ITPR1: variants seen among roughly 807,000 people sequenced by gnomAD.
ITPR1 encodes the protein inositol 1,4,5-trisphosphate-gated calcium channel ITPR1.
In ITPR1, 96 loss-of-function variants were observed where a neutral mutation model predicts 318.4. The ratio of observed to expected loss-of-function variants is 0.30; its 90% CI spans 0.26 to 0.36. The LOEUF is 0.36. ITPR1 is among the 10% of genes least tolerant of loss of function. ITPR1 has a pLI of 1.00. For missense variants in ITPR1, 2,440 were observed against 3,460.2 expected (o/e 0.71, Z 7.40); for synonymous variants, 1,312 against 1,289.9 (o/e 1.02, Z -0.37).
intron 58 of ITPR1, 68 bp downstream of exon 58, chr3:4,814,630 A>G: frequency 1.4e-6 from 2 of 1,385,124 alleles, no homozygotes; most frequent in Admixed American, 1.9e-5. Flanking sequence ...AGCACCATGC[A>G]GCGGTGTTGA....
chr3:4,767,461 G>T (rs1160278782), intron 45 of ITPR1, among the ~76,000 whole-genome samples: 1 of 152,244 alleles, frequency 6.6e-6, no homozygotes, highest in African/African-American at 2.4e-5. Context: ...AGAAGAAAAA[G>T]AAGAATGGCT....
At chr3:4,572,318 T>C (rs2088099775) in intron 4 of ITPR1, among the ~76,000 whole-genome samples, 1 of 152,238 alleles carries the variant, frequency 6.6e-6, no homozygotes, top group Non-Finnish European at 1.5e-5. Context: ...TCTCCCAGTC[T>C]TTTCTCAGTA....
chr3:4,839,020 A>T (rs2051138283), intron 61 of ITPR1, among the ~76,000 whole-genome samples: 2 of 152,220 alleles, frequency 1.3e-5, no homozygotes, highest in South Asian at 4.1e-4. Flanking sequence ...TGAGCTGAGG[A>T]ATTAGAGTAA....
chr3:4,782,774 G>A (rs368808181), intron 50 of ITPR1, 33 bp downstream of exon 50: 25 of 1,429,958 alleles, frequency 1.7e-5, no homozygotes, highest in Non-Finnish European at 2.3e-5. Flanking sequence ...TCTGGATGCT[G>A]CCTCCCTACA....
chr3:4,594,937 A>G (rs2090685062), intron 4 of ITPR1, among the ~76,000 whole-genome samples: 1 of 152,154 alleles, frequency 6.6e-6, no homozygotes, highest in South Asian at 2.1e-4. Flanking sequence ...GGGGAAGTAT[A>G]GCAAAGTGGT....
intron 44 of ITPR1, among the ~76,000 whole-genome samples, chr3:4,764,268 A>C (rs2045658202): frequency 6.6e-6 from 1 of 152,202 alleles, no homozygotes; most frequent in African/African-American, 2.4e-5. Flanking sequence ...AATTTTCTAG[A>C]ATTCATTTAT....
At chr3:4,717,112 G>C (rs527430486) in intron 39 of ITPR1, among the ~76,000 whole-genome samples, 7 of 152,216 alleles carry the variant, frequency 4.6e-5, no homozygotes, top group Non-Finnish European at 1.0e-4. Flanking sequence ...CTGCACATGT[G>C]GTTAAGTGAC....
Position 4,699,847 on chromosome 3 carries a change from A to G in ITPR1, c.4442A>G (p.Asp1481Gly). The G allele has an allele frequency of 6.2e-7, 1 of 1,613,710 alleles. No individual in the cohort carries two copies. The highest frequency in any genetic ancestry group is 8.5e-7 in the Non-Finnish European group (1 of 1,179,758). The change falls in exon 35 of 62, where the codon GAC (aspartate) becomes GGC (glycine). Residue 1481 changes from aspartate (D) to glycine (G), a missense_variant. Physicochemically the swap from Asp to Gly is moderately conservative, Grantham distance 94. Transcript: ENST00000649015. ...AACACTAGTGACAGGAAACATGCAG[A>G]CTCGATTTTGGAGAAGTATGTCACC... ...CNNTSDRKHA[D>G]SILEKYVTEI...
intron 60 of ITPR1, among the ~76,000 whole-genome samples, chr3:4,835,577 T>G (rs963831835): frequency 1.3e-5 from 2 of 151,990 alleles, no homozygotes; most frequent in African/African-American, 4.8e-5. Context: ...TGTGTGTGTG[T>G]GTGGGAGGGG....
rs1464490335 is a variant in ITPR1, at chr3:4,673,027, T to G, written c.2205-109T>G. The G allele has an allele frequency of 2.5e-6, 3 of 1,206,502 alleles. No homozygotes were observed. In the Admixed American group the frequency reaches 7.5e-5, roughly 30 times the overall value. 74.7% of individuals were successfully genotyped at this position (1,206,502 alleles called of 1,614,324 possible). A position where few individuals can be genotyped will look rare whatever the true frequency, so the allele number is the denominator to read the frequency against. ...ATTTAGGGGTGTTGATGTATGAGTTTAGTTGGCCAAATGTCACTCCCATGA... is the reference window on the plus strand; with the variant it reads ...ATTTAGGGGTGTTGATGTATGAGTTGAGTTGGCCAAATGTCACTCCCATGA... On this transcript the variant is annotated intron_variant, in intron 20 of 61. Transcript: ENST00000649015.
At chr3:4,735,723 G>A in intron 44 of ITPR1, 1 of 73,350 alleles carries the variant, frequency 1.4e-5, no homozygotes, top group Non-Finnish European at 2.2e-5. Flanking sequence ...ATCACAAGAT[G>A]ACCAAAGAGT....
chr3:4,741,137 CA>C (rs1212791923), intron 44 of ITPR1, among the ~76,000 whole-genome samples: 2 of 152,150 alleles, frequency 1.3e-5, no homozygotes, highest in African/African-American at 4.8e-5. Context: ...CTCTTCCTTA[CA>C]GAAGGACAGG....
chr3:4,581,782 C>G (rs938499350), intron 4 of ITPR1, among the ~76,000 whole-genome samples: 1 of 152,166 alleles, frequency 6.6e-6, no homozygotes, highest in Non-Finnish European at 1.5e-5. Context: ...CATTCTGAGG[C>G]TTTTCTGGTG....
intron 56 of ITPR1, among the ~76,000 whole-genome samples, chr3:4,811,881 C>T (rs761245842): frequency 1.2e-4 from 18 of 152,266 alleles, no homozygotes; most frequent in Middle Eastern, 3.4e-3. Flanking sequence ...CAGTTGGAAG[C>T]AGTGTAAATG....
chr3:4,757,437 C>A (rs1167267856), intron 44 of ITPR1, among the ~76,000 whole-genome samples: 2 of 152,112 alleles, frequency 1.3e-5, no homozygotes, highest in Non-Finnish European at 2.9e-5. Context: ...GTGAGAGGAG[C>A]CTGTTTATGC....
chr3:4,565,151 C>T (rs1415517009), intron 4 of ITPR1, among the ~76,000 whole-genome samples: 1 of 152,198 alleles, frequency 6.6e-6, no homozygotes, highest in East Asian at 1.9e-4. Context: ...GTTGATTCCT[C>T]ATAAGCACCC....
intron 39 of ITPR1, among the ~76,000 whole-genome samples, chr3:4,713,035 T>C (rs2041498665): frequency 6.6e-6 from 1 of 152,162 alleles, no homozygotes; most frequent in Admixed American, 6.6e-5. Flanking sequence ...GGATGGCCTG[T>C]TCATACCTGT....
intron 44 of ITPR1, among the ~76,000 whole-genome samples, chr3:4,739,198 T>C (rs2043519402): frequency 6.6e-6 from 1 of 152,218 alleles, no homozygotes; most frequent in East Asian, 1.9e-4. Flanking sequence ...AGTGGCCAGC[T>C]GGGAAGTGAG....
chr3:4,829,497 GGAT>G (rs1335192268), intron 60 of ITPR1, among the ~76,000 whole-genome samples: 18 of 152,176 alleles, frequency 1.2e-4, no homozygotes, highest in African/African-American at 3.6e-4. Flanking sequence ...AAGAATAAAA[GGAT>G]GATAATTTTT....
Sources: allele counts gnomAD v4.1 joint callset (sites outside exome capture counted in the v4.1 genomes callset), GRCh38; gene constraint gnomAD v4.1.1; transcripts MANE v1.5; gene names NCBI Gene and HGNC (gene_info 2026-07-23, HGNC 2026-07-21).